PIN4: variants seen among roughly 807,000 people sequenced by gnomAD.
PIN4 encodes the protein peptidylprolyl cis/trans isomerase, NIMA-interacting 4.
A neutral mutation model predicts 8.3 loss-of-function variants in PIN4; 3 were observed. The ratio of observed to expected loss-of-function variants is 0.36; its 90% confidence interval spans 0.16 to 0.93. The LOEUF (loss-of-function observed/expected upper bound fraction) is 0.93, where lower values mean the gene tolerates loss of function less well. Among genes scored for constraint, PIN4 ranks in the 40% least tolerant of loss-of-function variants. PIN4 has a pLI of 0.44. For synonymous variants in PIN4, 18 were observed against 32.5 expected, an observed-to-expected ratio of 0.55 and a Z score of 1.52; for missense variants, 75 against 100.6, an observed-to-expected ratio of 0.75 and a Z score of 1.09.
At chrX:72,244,290 G>A (rs2043059716) in intron 3 of PIN4, among the ~76,000 whole-genome samples, 1 of 111,752 alleles carries the variant, frequency 8.9e-6, no homozygotes, top group Non-Finnish European at 1.9e-5. Flanking sequence ...CATACCATGA[G>A]GTATCTGACC....
intron 3 of PIN4, among the ~76,000 whole-genome samples, chrX:72,217,142 G>A (rs986710369): frequency 6.3e-5 from 7 of 111,900 alleles, no homozygotes; most frequent in African/African-American, 2.3e-4. Context: ...GCATGTAGGA[G>A]GATGCTTCCT....
In PIN4 at chrX:72,206,121, A is replaced by T. The variant is rs764741520; in HGVS notation, c.312+9217A>T. ...GTAAAATCTCATCATCCTTTAGTTG[A>T]TCTAAATTTGGCCCAATATCAGCTT... On this transcript the variant is annotated intron_variant, in intron 3 of 3. Transcript: ENST00000423432. 21 of 1,211,735 alleles carry T rather than the reference A, an allele frequency of 1.7e-5. No individual in the cohort carries two copies. The South Asian group carries it at 3.7e-4, about 21-fold the overall frequency.
chrX:72,191,657 AATGAG>A (rs777510510), intron 2 of PIN4, among the ~76,000 whole-genome samples: 16 of 112,367 alleles, frequency 1.4e-4, no homozygotes, highest in Non-Finnish European at 2.8e-4. Context: ...GTGAGGATTT[AATGAG>A]ATAAGTACTC....
chrX:72,230,925 A>T (rs1304449322), intron 3 of PIN4, among the ~76,000 whole-genome samples: 1 of 112,236 alleles, frequency 8.9e-6, no homozygotes, highest in Non-Finnish European at 1.9e-5. Context: ...AGATCGTGCC[A>T]CTGCACTCCA....
intron 3 of PIN4, among the ~76,000 whole-genome samples, chrX:72,254,228 C>T (rs1386101979): frequency 3.6e-5 from 4 of 111,643 alleles, no homozygotes; most frequent in Non-Finnish European, 7.5e-5. Flanking sequence ...ATGCCCATTT[C>T]CACCACCAGG....
chrX:72,261,023 C>T (rs774548247), intron 3 of PIN4, among the ~76,000 whole-genome samples: 5 of 111,771 alleles, frequency 4.5e-5, no homozygotes, highest in South Asian at 7.5e-4. Context: ...TTTAGCCGGG[C>T]GCGGTGGCTC....
At chrX:72,222,795 A>G (rs1333070676) in intron 3 of PIN4, among the ~76,000 whole-genome samples, 2 of 107,152 alleles carry the variant, frequency 1.9e-5, no homozygotes, top group Admixed American at 1.0e-4. Flanking sequence ...ACAGGGTTTC[A>G]TCATGTTGGT....
At chrX:72,206,439 G>A (rs755042517) in intron 3 of PIN4, 17 of 1,210,508 alleles carry the variant, frequency 1.4e-5, no homozygotes, top group Non-Finnish European at 1.9e-5. Flanking sequence ...GATCATCAAT[G>A]ACTACACTTG....
At chrX:72,217,981 G>C (rs1054954980) in intron 3 of PIN4, among the ~76,000 whole-genome samples, 5 of 111,771 alleles carry the variant, frequency 4.5e-5, no homozygotes, top group African/African-American at 1.6e-4. Context: ...TTAAATAATA[G>C]AGATGGGGGC....
At chrX:72,207,870 C>T in intron 3 of PIN4, 1 of 1,209,228 alleles carries the variant, frequency 8.3e-7, no homozygotes, top group Non-Finnish European at 1.1e-6. Context: ...TAGCATCCTT[C>T]TCTCTTGCTC....
At chrX:72,242,408 C>T (rs375968676) in intron 3 of PIN4, among the ~76,000 whole-genome samples, 3 of 111,763 alleles carry the variant, frequency 2.7e-5, no homozygotes, top group Non-Finnish European at 1.9e-5. Context: ...CTTCTTGGTG[C>T]CTTCTGGAGT....
At chrX:72,240,527 C>T (rs1390302659) in intron 3 of PIN4, among the ~76,000 whole-genome samples, 3 of 111,161 alleles carry the variant, frequency 2.7e-5, no homozygotes, top group Non-Finnish European at 1.9e-5. Flanking sequence ...TGTTGGAGGC[C>T]GGGTTCAGTG....
In PIN4 at chrX:72,205,520, C is replaced by T. The variant is rs760489524; in HGVS notation, c.312+8616C>T. On this transcript the variant is annotated intron_variant, in intron 3 of 3. Coordinates refer to the PIN4 transcript ENST00000423432. ...CTTCTAGAGTTCATAGACTTATTTA[C>T]ACTACTGGGTATTTGAGATGAAAAG... 3 of 1,211,685 alleles carry T rather than the reference C, an allele frequency of 2.5e-6. No homozygotes were observed. The highest frequency in any genetic ancestry group is 1.8e-5 in the South Asian group (1 of 56,948).
intron 1 of PIN4, among the ~76,000 whole-genome samples, chrX:72,185,154 A>AAAAAAAAAC (rs2042694732): frequency 9.7e-6 from 1 of 103,216 alleles, no homozygotes; most frequent in Non-Finnish European, 2.0e-5. Flanking sequence ...TCTCAAAAAA[A>AAAAAAAAAC]AAAAAAAAAA....
chrX:72,182,855 GC>G (rs759263653), intron 1 of PIN4, among the ~76,000 whole-genome samples: 7 of 111,651 alleles, frequency 6.3e-5, no homozygotes, highest in African/African-American at 2.3e-4. Flanking sequence ...AAAACTCAAG[GC>G]AGAATGGCAA....
At chrX:72,255,273 A>AAATAATAATAATAATAATAATAAT (rs760269851) in intron 3 of PIN4, among the ~76,000 whole-genome samples, 19 of 96,377 alleles carry the variant, frequency 2.0e-4, no homozygotes, top group East Asian at 1.4e-3. Context: ...CCATCTCTAA[A>AAATAATAATAATAATAATAATAAT]AATAATAATA....
At chrX:72,240,347 A>C (rs905474408) in intron 3 of PIN4, among the ~76,000 whole-genome samples, 2 of 111,709 alleles carry the variant, frequency 1.8e-5, no homozygotes, top group African/African-American at 6.5e-5. Context: ...TTGTGGGCCA[A>C]CAAAAATTGT....
Position 72,183,744 on chromosome X carries a change from GCTT to G in PIN4, c.43+1920_43+1922del, listed in dbSNP as rs781745080. On this transcript the variant is annotated intron_variant, in intron 1 of 3. Coordinates refer to ENST00000373669, the MANE Select transcript of PIN4 (RefSeq NM_006223.4). Reference sequence around the variant, plus strand: ...ATTAAGAGAAAGTTTTATTTTCTTTGCTTCTTTGGAATGGGGAAAACTTGGGAG... The same window carrying G: ...ATTAAGAGAAAGTTTTATTTTCTTTGCTTTGGAATGGGGAAAACTTGGGAG... 1.3e-4 allele frequency among the ~76,000 whole-genome samples: 15 copies of G among 112,083 alleles called. No homozygotes were observed. In the South Asian group the frequency reaches 5.5e-3, roughly 41 times the overall value.
chrX:72,228,535 AAAGG>A (rs1328488132), intron 3 of PIN4, among the ~76,000 whole-genome samples: 4 of 111,626 alleles, frequency 3.6e-5, no homozygotes, highest in African/African-American at 1.3e-4. Flanking sequence ...TCTTGGAAGA[AAAGG>A]AAGAGAAATT....
Sources: gnomAD v4.1 joint callset for allele counts (sites outside exome capture counted in the v4.1 genomes callset) on GRCh38, gnomAD v4.1.1 for gene constraint, MANE v1.5 for transcripts, NCBI Gene and HGNC (gene_info 2026-07-23, HGNC 2026-07-21) for gene names.